The following TTN variants were observed in gnomAD, a reference collection of about 807,000 sequenced individuals.
TTN encodes the protein titin, also known as connectin.
TTN carries 1,525 observed loss-of-function variants against 3,223.0 expected under a neutral mutation model. The observed-to-expected ratio is 0.47, with a 90% CI of 0.45 to 0.49. The LOEUF (loss-of-function observed/expected upper bound fraction) is 0.49, where lower values mean the gene tolerates loss of function less well. Ranked by LOEUF, TTN falls within the 20% of genes least tolerant of loss-of-function variation. The probability of loss-of-function intolerance (pLI) is 0.00; values close to 1 mark genes in which losing one functional copy is unlikely to be tolerated. For missense variants in TTN, 40,786 were observed against 43,424.0 expected, an observed-to-expected ratio of 0.94 and a Z score of 5.40; for synonymous variants, 14,094 against 15,161.0, an observed-to-expected ratio of 0.93 and a Z score of 5.17.
intron 273 of TTN, 143 bp from the exon 274 acceptor site, chr2:178,609,051 G>T: frequency 7.8e-7 from 1 of 1,287,048 alleles, no homozygotes; most frequent in Non-Finnish European, 1.0e-6. Context: ...TAAATAACAA[G>T]ATCAGGTGAT....
Position 178,621,568 on chromosome 2 carries a change from T to C in TTN, c.45256A>G (p.Ile15086Val). Reference sequence around the variant, plus strand: ...AGGTGAGCGTTCTGAATGACCAGGATTCTCTTCCGTCCTTCAGTCAGTATT... The same window carrying C: ...AGGTGAGCGTTCTGAATGACCAGGACTCTCTTCCGTCCTTCAGTCAGTATT... ...YEILTEGRKR[I>V]LVIQNAHLED... Residue 15086 changes from isoleucine to valine, a missense_variant, in exon 245 of 363, where the codon ATC (isoleucine) becomes GTC (valine). Ile to Val is a conservative substitution (Grantham distance 29). Transcript: ENST00000589042. 1 of 1,612,460 alleles carries C rather than the reference T, an allele frequency of 6.2e-7. No individual in the cohort carries two copies. Among genetic ancestry groups the C allele is most frequent in the Non-Finnish European group, 8.5e-7 (1 of 1,179,080 alleles).
At position 178,678,745 on chromosome 2, in the gene TTN, A is replaced by G; in HGVS notation, c.33826+2T>C. On this transcript the variant is annotated splice_donor_variant, in intron 143 of 362. Transcript: ENST00000589042. LOFTEE classifies it high-confidence loss of function. ...ATATTGCAACATTGCAAGTTCATGT[A>G]CCTTTGGCAGGTGGAGCTTCCACCT... 2 of 1,601,222 alleles carry G rather than the reference A, an allele frequency of 1.2e-6. No homozygotes were observed. Among genetic ancestry groups the G allele is most frequent in the Non-Finnish European group, 1.7e-6 (2 of 1,175,824 alleles).
chr2:178,625,558 G>A (rs551369677), intron 240 of TTN, among the ~76,000 whole-genome samples, 162 bp from the exon 241 acceptor site: 30 of 151,820 alleles, frequency 2.0e-4, no homozygotes, highest in African/African-American at 7.0e-4. Context: ...AATAGTTTGG[G>A]ATCTTTTTTT....
At chr2:178,527,873 G>T in intron 361 of TTN, 125 bp from the exon 362 acceptor site, 1 of 898,018 alleles carries the variant, frequency 1.1e-6, no homozygotes, top group Non-Finnish European at 1.6e-6. Flanking sequence ...ACAATTTGCT[G>T]TTGAAGCATA....
rs1452064178 is a variant in TTN, at chr2:178,774,904, C to T, written c.6790+17G>A. On this transcript the variant is annotated intron_variant, in intron 29 of 362. Coordinates refer to ENST00000589042, the MANE Select transcript of TTN (RefSeq NM_001267550.2). Reference sequence around the variant, plus strand: ...TTAGAGCTTAGGTAAACAATGAAATCCTTCGTTGTTGAATACCTTCAACAA... The same window carrying T: ...TTAGAGCTTAGGTAAACAATGAAATTCTTCGTTGTTGAATACCTTCAACAA... The T allele has an allele frequency of 2.5e-6, 4 of 1,613,058 alleles. No individual in the cohort carries two copies. The highest frequency in any genetic ancestry group is 3.4e-6 in the Non-Finnish European group (4 of 1,179,700).
rs1294456916 is a variant in TTN, at chr2:178,563,776, A to T, written c.82356T>A (p.Ile27452=). ...FRVMAVNKYG[I]GEPLESGPVT... ...CAGGCCCAGATTCCAAGGGCTCTCC[A>T]ATTCCATATTTATTCACAGCCATGA... is the stretch of plus-strand genomic sequence containing the variant. Residue 27452 remains isoleucine (I), a synonymous_variant, in exon 326 of 363, where the codon ATT becomes ATA. Transcript: ENST00000589042. This position sits in a 1 kb window ranked among gnomAD's most constrained non-coding sequence, Gnocchi z 4.5. 6.2e-7 allele frequency: 1 copy of T among 1,613,590 alleles called. No homozygotes were observed. Among genetic ancestry groups the T allele is most frequent in the Non-Finnish European group, 8.5e-7 (1 of 1,179,742 alleles).
Position 178,735,515 on chromosome 2 carries a change from G to A in TTN, c.14931C>T (p.Val4977=), listed in dbSNP as rs1447072234. ...GSSSCSATVT[V]REPPSFVKKV... ...ATACATTCACACGTTTCTTACCTCT[G>A]ACAGTGACTGTGGCTGAGCAGGAGC... is the stretch of plus-strand genomic sequence containing the variant. Residue 4977 remains valine (V), a synonymous_variant, in exon 50 of 363, where the codon GTC becomes GTT. Transcript: ENST00000589042. 1.9e-6 allele frequency: 3 copies of A among 1,573,478 alleles called. No individual in the cohort carries two copies. The highest frequency in any genetic ancestry group is 2.6e-6 in the Non-Finnish European group (3 of 1,164,004).
chr2:178,572,387 T>G lies in TTN; in HGVS notation c.73745A>C (p.Gln24582Pro), dbSNP rs375186364. ...ATAGTAGCTACAGCCTTCTTGAAGC[T>G]GGTCTACCTTCCAGGAAGTCTTGTG... ...NCHKTSWKVD[Q>P]LQEGCSYYFR... The change falls in exon 326 of 363, where the codon CAG becomes CCG. Residue 24582 changes from glutamine to proline, a missense_variant. Transcript: ENST00000589042. 1.3e-5 allele frequency: 21 copies of G among 1,613,004 alleles called. No homozygotes were observed. Among genetic ancestry groups the G allele is most frequent in the Non-Finnish European group, 1.8e-5 (21 of 1,179,286 alleles).
chr2:178,654,230 T>C lies in TTN; in HGVS notation c.38358A>G (p.Lys12786=), dbSNP rs1465891610. The change falls in exon 193 of 363, where the codon AAA becomes AAG. Residue 12786 remains lysine, a synonymous_variant. Transcript: ENST00000589042. ...EKKVSVAVPK[K]PEAPRAKVPE... The stretch of plus-strand genomic sequence containing the variant: ...TACCTTTTGCACGTGGGGCTTCCGG[T>C]TTTTTGGGCACAGCCACAGATACTT... 3 of 1,598,206 alleles carry C rather than the reference T, an allele frequency of 1.9e-6. No individual in the cohort carries two copies. Among genetic ancestry groups the C allele is most frequent in the Non-Finnish European group, 2.5e-6 (3 of 1,177,892 alleles).
chr2:178,774,594 A>G, intron 29 of TTN, 121 bp from the exon 30 acceptor site: 1 of 898,880 alleles, frequency 1.1e-6, no homozygotes, highest in Non-Finnish European at 1.7e-6. Flanking sequence ...TATTCTTAAT[A>G]TCTACCCGCT....
intron 43 of TTN, among the ~76,000 whole-genome samples, chr2:178,759,650 A>G (rs1451154015): frequency 6.6e-6 from 1 of 152,230 alleles, no homozygotes; most frequent in Non-Finnish European, 1.5e-5. Context: ...CAAGATATGA[A>G]AAGTCTAAAA....
rs1444091652 is a variant in TTN, at chr2:178,532,512, T to TGGA, written c.104100_104102dup (p.Pro34701dup). 6.2e-7 allele frequency: 1 copy of TGGA among 1,613,824 alleles called. No individual in the cohort carries two copies. Among genetic ancestry groups the TGGA allele is most frequent in the Non-Finnish European group, 8.5e-7 (1 of 1,179,878 alleles). ...AACGTAGGCTAGAAAGCTCAAAGTG[T>TGGA]GGAGGGCTTCGACTTGGGGGTGAAG... On this transcript the variant is annotated inframe_insertion, in exon 358 of 363. Transcript: ENST00000589042.
At position 178,568,923 on chromosome 2, in the gene TTN, T is replaced by TTTC. The variant is rs748727364; in HGVS notation, c.77206_77208dup (p.Glu25736dup). 6.2e-7 allele frequency: 1 copy of TTTC among 1,613,440 alleles called. No homozygotes were observed. The highest frequency in any genetic ancestry group is 2.2e-5 in the East Asian group (1 of 44,828). ...CATTTCTCACTGTGTTTAGCTTGCATTTCCACAATATACTGAATGATTTTA... is the reference window on the plus strand; with the variant it reads ...CATTTCTCACTGTGTTTAGCTTGCATTTCTTCCACAATATACTGAATGATTTTA... On this transcript the variant is annotated inframe_insertion, in exon 326 of 363. Transcript: ENST00000589042.
rs747777514 is a variant in TTN at position 178,704,892 on chromosome 2, T to A, written c.29679A>T (p.Arg9893Ser). Residue 9893 changes from arginine (R) to serine (S), a missense_variant, in exon 104 of 363, where the codon AGA becomes AGT. Coordinates refer to ENST00000589042, the MANE Select transcript of TTN (RefSeq NM_001267550.2). Reference sequence around the variant, plus strand: ...TTCTTTTTACCTCTGTCTGTGACAGTCTTTGCTGAATAAATGATACAAGTT... The same window carrying A: ...TTCTTTTTACCTCTGTCTGTGACAGACTTTGCTGAATAAATGATACAAGTT... Reference protein sequence around the residue: ...FEELVSFIQQRLSQTEPVTLI... With the variant: ...FEELVSFIQQSLSQTEPVTLI... 1.2e-6 allele frequency: 2 copies of A among 1,613,584 alleles called. No individual in the cohort carries two copies. Among genetic ancestry groups the A allele is most frequent in the Non-Finnish European group, 8.5e-7 (1 of 1,179,784 alleles).
At position 178,646,559 on chromosome 2, in the gene TTN, T is replaced by C. The variant is rs183950862; in HGVS notation, c.40223A>G (p.Glu13408Gly). The C allele has an allele frequency of 2.3e-4, 350 of 1,540,880 alleles. No homozygotes were observed. The African/African-American group carries it at 4.2e-3, about 18-fold the overall frequency. The change falls in exon 216 of 363, where the codon GAA (glutamate) becomes GGA (glycine). Residue 13408 changes from glutamate (E) to glycine (G), a missense_variant and splice_region_variant. Transcript: ENST00000589042. ...TTTAATATACTTTTCAATTTCACGTTCTTTAAAGAATGTTGACAAAGGAGA... is the reference window on the plus strand; with the variant it reads ...TTTAATATACTTTTCAATTTCACGTCCTTTAAAGAATGTTGACAAAGGAGA... ...IGRKETPPVE[E>G]REIEKYIKPE...
rs770276972 is a variant in TTN at position 178,710,845 on chromosome 2, A to G, written c.28252T>C (p.Cys9418Arg). The G allele has an allele frequency of 3.1e-6, 5 of 1,613,868 alleles. No individual in the cohort carries two copies. Among genetic ancestry groups the G allele is most frequent in the Non-Finnish European group, 4.2e-6 (5 of 1,179,832 alleles). ...AVVGESADFECHVTGTQPIKV... is the reference protein window; with the variant it reads ...AVVGESADFERHVTGTQPIKV... ...ATCGGTTGTGTGCCCGTGACGTGGC[A>G]CTCAAAGTCAGCACTTTCTCCCACC... Residue 9418 changes from cysteine (C) to arginine (R), a missense_variant, in exon 98 of 363, where the codon TGC becomes CGC. By Grantham distance (180) the Cys-to-Arg change is radical. Transcript: ENST00000589042.
At chr2:178,648,322 T>C (rs539744142) in intron 213 of TTN, among the ~76,000 whole-genome samples, 3 of 152,264 alleles carry the variant, frequency 2.0e-5, no homozygotes, top group Non-Finnish European at 4.4e-5. Context: ...ATAAGTTTAC[T>C]TGACAATCCT....
In TTN at chr2:178,768,146, A is replaced by G. The variant is rs373657576; in HGVS notation, c.9173T>C (p.Ile3058Thr). Reference protein sequence around the residue: ...TATLYVEARHIEFRKHIKDIK... With the variant: ...TATLYVEARHTEFRKHIKDIK... ...GTCCTTAATGTGTTTCCTAAATTCT[A>G]TATGACGAGCTGGAAAATAGCATGT... The change falls in exon 39 of 363, where the codon ATA becomes ACA. Residue 3058 changes from isoleucine to threonine, a missense_variant. By Grantham distance (89) the Ile-to-Thr change is moderately conservative. Transcript: ENST00000589042. 2 of 1,614,054 alleles carry G rather than the reference A, an allele frequency of 1.2e-6. No homozygotes were observed. The highest frequency in any genetic ancestry group is 2.2e-5 in the East Asian group (1 of 44,820).
At position 178,599,319 on chromosome 2, in the gene TTN, C is replaced by T; in HGVS notation, c.56474G>A (p.Arg18825Lys). 6.2e-7 allele frequency: 1 copy of T among 1,610,172 alleles called. No homozygotes were observed. Among genetic ancestry groups the T allele is most frequent in the Non-Finnish European group, 8.5e-7 (1 of 1,178,450 alleles). Residue 18825 changes from arginine (R) to lysine (K), a missense_variant, in exon 290 of 363, where the codon AGA becomes AAA. Physicochemically the swap from Arg to Lys is conservative, Grantham distance 26. Coordinates refer to ENST00000589042, the MANE Select transcript of TTN (RefSeq NM_001267550.2). ...GACCCATGTCTTCCTGTTAGCTTCT[C>T]TTTTCTCAATTACATAGTTTGTAAT... ...SKITNYVIEK[R>K]EANRKTWVHV...
Sources: gnomAD v4.1 joint callset for allele counts (sites outside exome capture counted in the v4.1 genomes callset) on GRCh38, gnomAD v4.1.1 for gene constraint, Gnocchi (gnomAD v3.1) non-coding constraint, MANE v1.5 for transcripts, NCBI Gene and HGNC (gene_info 2026-07-23, HGNC 2026-07-21) for gene names.